Variants in QSOX2 observed in about 807,000 individuals in gnomAD.
The protein encoded by QSOX2 is quiescin sulfhydryl oxidase 2.
Under a neutral mutation model 61.7 loss-of-function variants are expected in QSOX2, and 46 were observed. That is an observed-to-expected ratio of 0.75 (90% confidence interval 0.59 to 0.95). QSOX2 has a LOEUF of 0.95. Ranked by LOEUF, QSOX2 falls within the 40% of genes least tolerant of loss-of-function variation. QSOX2 has a pLI of 0.00. For synonymous variants in QSOX2, 383 were observed against 388.4 expected (o/e 0.99, Z 0.16); for missense variants, 879 against 918.9 (o/e 0.96, Z 0.56).
At chr9:136,217,920 G>A (rs763352925) in intron 8 of QSOX2, among the ~76,000 whole-genome samples, 7 of 152,256 alleles carry the variant, frequency 4.6e-5, no homozygotes, top group Non-Finnish European at 5.9e-5. Flanking sequence ...AGTCCTTCAA[G>A]ATTTCCTGTA....
intron 8 of QSOX2, among the ~76,000 whole-genome samples, chr9:136,217,978 ATAAAT>A (rs1242999192): frequency 2.4e-4 from 37 of 152,382 alleles, no homozygotes; most frequent in African/African-American, 8.9e-4. Flanking sequence ...AGTGCTCACT[ATAAAT>A]TATTCTATCA....
chr9:136,212,978 T>C (rs1831866367), intron 10 of QSOX2, among the ~76,000 whole-genome samples: 1 of 152,166 alleles, frequency 6.6e-6, no homozygotes, highest in African/African-American at 2.4e-5. Flanking sequence ...TGCTTTGCCA[T>C]CACACTGCTC....
At chr9:136,210,958 C>T (rs1588631727) in intron 11 of QSOX2, 2 of 947,094 alleles carry the variant, frequency 2.1e-6, no homozygotes, top group African/African-American at 1.8e-5. Context: ...TCAAAAACAT[C>T]TTCAGAGTCT....
chr9:136,217,471 G>A (rs73668095), intron 8 of QSOX2, among the ~76,000 whole-genome samples: 1,675 of 152,270 alleles, frequency 0.011, 27 homozygotes, highest in African/African-American at 0.038. Context: ...CAGAAACGCC[G>A]GCATCTTCAG....
At position 136,209,515 on chromosome 9, in the gene QSOX2, G is replaced by C. The variant is rs1395556401; in HGVS notation, c.1550-240C>G. The C allele has an allele frequency of 3.0e-5, 30 of 985,264 alleles. No individual in the cohort carries two copies. Among genetic ancestry groups the C allele is most frequent in the African/African-American group, 3.5e-5 (2 of 57,250 alleles). The allele number at this position is 985,264 out of a possible 1,614,324, so 61.0% of individuals were successfully genotyped here. A position where few individuals can be genotyped will look rare whatever the true frequency, so the allele number is the denominator to read the frequency against. On this transcript the variant is annotated intron_variant, in intron 11 of 11. Coordinates refer to ENST00000358701, the MANE Select transcript of QSOX2 (RefSeq NM_181701.4). The surrounding 1 kb of genome is among the most constrained non-coding windows in gnomAD (Gnocchi z 5.6). ...TCCCCTCTGCCGGTTCCCATAGCCT[G>C]CAAGTGAGGAGACGCTACACGCTCG...
chr9:136,211,801 G>A (rs886172205), intron 10 of QSOX2, among the ~76,000 whole-genome samples: 4 of 152,172 alleles, frequency 2.6e-5, no homozygotes, highest in South Asian at 4.1e-4. Context: ...TCTTCCAGCC[G>A]TCTGTGCCAG....
chr9:136,208,876 G>GGT lies in QSOX2; in HGVS notation c.1947_1948dup (p.Pro650HisfsTer13). On this transcript the variant is annotated frameshift_variant, in exon 12 of 12. Coordinates refer to ENST00000358701, the MANE Select transcript of QSOX2 (RefSeq NM_181701.4). LOFTEE classifies it high-confidence loss of function. ...GCTGGAGAAGTCAACCCCGAGGAAG[G>GGT]GTGCGGCCCCGCCCACCTCCTTGTG... is the stretch of plus-strand genomic sequence containing the variant. 1.2e-6 allele frequency: 2 copies of GGT among 1,614,016 alleles called. No individual in the cohort carries two copies. The highest frequency in any genetic ancestry group is 1.7e-6 in the Non-Finnish European group (2 of 1,180,030).
Position 136,215,321 on chromosome 9 carries a change from C to A in QSOX2, c.1210-17G>T, listed in dbSNP as rs1564290235. 3.8e-6 allele frequency: 6 copies of A among 1,585,946 alleles called. No homozygotes were observed. Among genetic ancestry groups the A allele is most frequent in the Admixed American group, 1.8e-5 (1 of 55,478 alleles). On this transcript the variant is annotated splice_polypyrimidine_tract_variant and intron_variant, in intron 9 of 11. Coordinates refer to ENST00000358701, the MANE Select transcript of QSOX2 (RefSeq NM_181701.4). Reference sequence around the variant, plus strand: ...TCCAGAAATCTGAAAAACAAACAAACAAAAAAACCCCAAAGAATAAAAGAT... The same window carrying A: ...TCCAGAAATCTGAAAAACAAACAAAAAAAAAAACCCCAAAGAATAAAAGAT...
chr9:136,245,768 C>G lies in QSOX2; in HGVS notation c.36G>C (p.Pro12=). Reference sequence around the variant, plus strand: ...TCAGCGCAGGTCCCGCTCCGATTCCCGGGCTGCGCGCCACCGCCGCCCCGG... The same window carrying G: ...TCAGCGCAGGTCCCGCTCCGATTCCGGGGCTGCGCGCCACCGCCGCCCCGG... ...AAAGAAVARS[P]GIGAGPALRA... The change falls in exon 1 of 12, where the codon CCG becomes CCC. Residue 12 remains proline (P), a synonymous_variant. Coordinates refer to ENST00000358701, the MANE Select transcript of QSOX2 (RefSeq NM_181701.4). 8.6e-7 allele frequency: 1 copy of G among 1,156,910 alleles called. No homozygotes were observed. Among genetic ancestry groups the G allele is most frequent in the Non-Finnish European group, 1.1e-6 (1 of 937,310 alleles). The allele number at this position is 1,156,910 out of a possible 1,614,324, so 71.7% of individuals were successfully genotyped here.
At chr9:136,216,829 C>A in intron 8 of QSOX2, 107 bp from the exon 9 acceptor site, 1 of 1,400,338 alleles carries the variant, frequency 7.1e-7, no homozygotes, top group South Asian at 1.3e-5. Context: ...CGCAGAGGGG[C>A]TGAACCTAGG....
At chr9:136,225,918 C>T (rs1320716925) in intron 2 of QSOX2, among the ~76,000 whole-genome samples, 2 of 152,252 alleles carry the variant, frequency 1.3e-5, no homozygotes, top group African/African-American at 4.8e-5. Flanking sequence ...GCCATGCTGA[C>T]GTAATCACAC....
chr9:136,223,060 G>A lies in QSOX2; in HGVS notation c.675+703C>T, dbSNP rs192729565. ...TGTCTGCAGCTGCCTTCCCAAGTGC[G>A]TCTCCAAAAGCCCTCGCAGGGGCAA... On this transcript the variant is annotated intron_variant, in intron 5 of 11. Transcript: ENST00000358701. The surrounding 1 kb of genome is among the most constrained non-coding windows in gnomAD (Gnocchi z 4.4). Among the ~76,000 whole-genome samples, 138 of 152,344 alleles carry A rather than the reference G, an allele frequency of 9.1e-4. No individual in the cohort carries two copies. The highest frequency in any genetic ancestry group is 3.3e-3 in the South Asian group (16 of 4,828).
At position 136,222,782 on chromosome 9, in the gene QSOX2, C is replaced by T. The variant is rs144055263; in HGVS notation, c.676-841G>A. Among the ~76,000 whole-genome samples, 76 of 152,344 alleles carry T rather than the reference C, an allele frequency of 5.0e-4. No homozygotes were observed. Among genetic ancestry groups the T allele is most frequent in the African/African-American group, 1.6e-3 (67 of 41,586 alleles). On this transcript the variant is annotated intron_variant, in intron 5 of 11. Transcript: ENST00000358701. This position sits in a 1 kb window ranked among gnomAD's most constrained non-coding sequence, Gnocchi z 6.9. ...CACCAAGACGGTCCCACACCCGCCT[C>T]TTCTCAGGGGAACACCTGCCTCTGG... is the stretch of plus-strand genomic sequence containing the variant.
intron 1 of QSOX2, among the ~76,000 whole-genome samples, chr9:136,227,199 G>A (rs1282675858): frequency 2.6e-5 from 4 of 152,194 alleles, no homozygotes; most frequent in South Asian, 2.1e-4. Flanking sequence ...TAACAGACGC[G>A]GCTGTCAGCG....
intron 10 of QSOX2, 112 bp from the exon 11 acceptor site, chr9:136,211,564 T>G: frequency 9.6e-7 from 1 of 1,039,706 alleles, no homozygotes; most frequent in Non-Finnish European, 1.4e-6. Context: ...GGAAGCCACC[T>G]CATGTCTCCC....
At chr9:136,231,085 C>T (rs961653853) in intron 1 of QSOX2, among the ~76,000 whole-genome samples, 3 of 152,218 alleles carry the variant, frequency 2.0e-5, no homozygotes, top group Admixed American at 6.5e-5. Context: ...TTACAGTTGA[C>T]AAAGCTTTCT....
chr9:136,224,800 T>A (rs1830264368), intron 3 of QSOX2, 61 bp downstream of exon 3: 4 of 1,207,250 alleles, frequency 3.3e-6, no homozygotes, highest in Non-Finnish European at 4.8e-6. Flanking sequence ...TGGGACCGTG[T>A]GTCTTTAGCA....
chr9:136,207,421 G>A lies in QSOX2; in HGVS notation c.*1307C>T, dbSNP rs185820544. 76 of 149,422 alleles carry A rather than the reference G, an allele frequency of 5.1e-4. No homozygotes were observed. Among genetic ancestry groups the A allele is most frequent in the African/African-American group, 1.9e-3 (75 of 39,798 alleles). 9.3% of individuals were successfully genotyped at this position (149,422 alleles called of 1,614,324 possible). On this transcript the variant is annotated 3_prime_UTR_variant, in exon 12 of 12. Transcript: ENST00000358701. ...CACACACGGGCACACAAATACATCT[G>A]AGCCTATTTTAGCCAAATCAAATTT...
chr9:136,209,010 G>A lies in QSOX2; in HGVS notation c.1815C>T (p.Asp605=). 1.2e-6 allele frequency: 2 copies of A among 1,613,990 alleles called. No homozygotes were observed. The highest frequency in any genetic ancestry group is 2.2e-5 in the East Asian group (1 of 44,882). The change falls in exon 12 of 12, where the codon GAC becomes GAT. Residue 605 remains aspartate, a synonymous_variant. Coordinates refer to ENST00000358701, the MANE Select transcript of QSOX2 (RefSeq NM_181701.4). The surrounding 1 kb of genome is among the most constrained non-coding windows in gnomAD (Gnocchi z 5.6). The stretch of plus-strand genomic sequence containing the variant: ...CACCAGGTGGACGGACGCTCTGGGT[G>A]TCTCGGTCTCCATGGGACACCTCTG... ...TPPEVSHGDR[D]TQSVRPPGAL...
Sources: allele counts gnomAD v4.1 joint callset (sites outside exome capture counted in the v4.1 genomes callset), GRCh38; gene constraint gnomAD v4.1.1; non-coding constraint Gnocchi (gnomAD v3.1); transcripts MANE v1.5; gene names NCBI Gene and HGNC (gene_info 2026-07-23, HGNC 2026-07-21).